Variants in TOP1MT observed in about 807,000 individuals in gnomAD.
TOP1MT encodes DNA topoisomerase I, mitochondrial.
TOP1MT carries 80 observed loss-of-function variants against 73.9 expected under a neutral mutation model. The observed-to-expected ratio is 1.08, with a 90% CI of 0.90 to 1.30. The LOEUF is 1.30. Ranked by LOEUF, TOP1MT falls within the 50% of genes most tolerant of loss-of-function variation. The pLI is 0.00. For synonymous variants in TOP1MT, 338 were observed against 326.4 expected, an observed-to-expected ratio of 1.04 and a Z score of -0.38; for missense variants, 815 against 808.0, an observed-to-expected ratio of 1.01 and a Z score of -0.10.
intron 1 of TOP1MT, among the ~76,000 whole-genome samples, chr8:143,352,462 C>A (rs892164652): frequency 3.3e-5 from 5 of 152,136 alleles, no homozygotes; most frequent in Non-Finnish European, 7.4e-5. Flanking sequence ...ACAAGGGGTG[C>A]GGACTGTCCA....
At chr8:143,322,661 C>G (rs1816503423) in intron 7 of TOP1MT, among the ~76,000 whole-genome samples, 3 of 125,236 alleles carry the variant, frequency 2.4e-5, no homozygotes, top group African/African-American at 3.5e-5. Context: ...ACACCACACA[C>G]GCACGCCACA....
upstream of TOP1MT, among the ~76,000 whole-genome samples, chr8:143,337,354 G>A (rs550911617): frequency 1.3e-5 from 2 of 152,176 alleles, no homozygotes; most frequent in South Asian, 4.1e-4. Context: ...GCAGTGAGCC[G>A]AGATCACGCT....
rs140412370 is a variant in TOP1MT at position 143,309,494 on chromosome 8, G to A, written c.1753C>T (p.Arg585Trp). The A allele has an allele frequency of 7.4e-5, 119 of 1,613,886 alleles. No homozygotes were observed. In the East Asian group the frequency reaches 1.2e-3, roughly 17 times the overall value. Residue 585 changes from arginine (R) to tryptophan (W), a missense_variant, in exon 14 of 14, where the codon CGG (arginine) becomes TGG (tryptophan). Around this residue, in one of 3 missense-constraint regions of TOP1MT, gnomAD observed 751 missense variants for 725.4 expected, o/e 1.04. Coordinates refer to ENST00000329245, the MANE Select transcript of TOP1MT (RefSeq NM_052963.3). ...GCGAGAGCCCAGGCGAACCTCTCCCGCTGTGTTTTGCTGTAGATCTTCTCC... is the reference window on the plus strand; with the variant it reads ...GCGAGAGCCCAGGCGAACCTCTCCCACTGTGTTTTGCTGTAGATCTTCTCC... Reference protein sequence around the residue: ...PVEKIYSKTQRERFAWALAMA... With the variant: ...PVEKIYSKTQWERFAWALAMA...
chr8:143,322,074 C>T (rs1416134948), intron 7 of TOP1MT, among the ~76,000 whole-genome samples: 3 of 96,048 alleles, frequency 3.1e-5, no homozygotes, highest in Non-Finnish European at 6.5e-5. Flanking sequence ...CACACACGCA[C>T]GCCACACACA....
chr8:143,329,888 G>C (rs1209854573), intron 2 of TOP1MT, among the ~76,000 whole-genome samples: 2 of 152,170 alleles, frequency 1.3e-5, no homozygotes, highest in Non-Finnish European at 2.9e-5. Flanking sequence ...CAACTCTGCG[G>C]CCTCTGTCCC....
chr8:143,323,959 C>T, intron 7 of TOP1MT, 40 bp downstream of exon 7: 1 of 1,605,966 alleles, frequency 6.2e-7, no homozygotes, highest in Non-Finnish European at 8.5e-7. Flanking sequence ...GCCAGGAGAA[C>T]CAGGATGAAG....
chr8:143,311,916 C>G (rs906232365), intron 12 of TOP1MT, among the ~76,000 whole-genome samples: 2 of 152,306 alleles, frequency 1.3e-5, no homozygotes, highest in Non-Finnish European at 1.5e-5. Flanking sequence ...ACTACCAGAA[C>G]CAACTCACAA....
At chr8:143,342,948 AG>A (rs1199882362) in intron 2 of TOP1MT, among the ~76,000 whole-genome samples, 3 of 151,874 alleles carry the variant, frequency 2.0e-5, no homozygotes, top group East Asian at 1.9e-4. Context: ...TTTAGTAGAG[AG>A]GGGGTTTCAT....
At chr8:143,322,376 G>C (rs1375572198) in intron 7 of TOP1MT, among the ~76,000 whole-genome samples, 1 of 62,760 alleles carries the variant, frequency 1.6e-5, no homozygotes, top group Admixed American at 2.5e-4. Context: ...ACACAGGCAC[G>C]CCACACACGC....
At chr8:143,342,195 G>GTTA (rs74193934) in intron 2 of TOP1MT, among the ~76,000 whole-genome samples, 1 of 108,958 alleles carries the variant, frequency 9.2e-6, no homozygotes, top group Non-Finnish European at 1.8e-5. Flanking sequence ...CAGTCTCGCT[G>GTTA]TTATTATTAT....
chr8:143,358,876 C>A (rs897445037), upstream of TOP1MT, among the ~76,000 whole-genome samples: 5 of 152,358 alleles, frequency 3.3e-5, no homozygotes, highest in South Asian at 4.1e-4. Context: ...TTATTCCTGA[C>A]CCCATTACTA....
At chr8:143,318,345 G>A (rs1027188024) in intron 8 of TOP1MT, among the ~76,000 whole-genome samples, 2 of 152,194 alleles carry the variant, frequency 1.3e-5, no homozygotes, top group South Asian at 2.1e-4. Flanking sequence ...CTGGGTGACC[G>A]CGGCAGGTGG....
Position 143,316,145 on chromosome 8 carries a change from C to CA in TOP1MT, c.1331-20dup. On this transcript the variant is annotated intron_variant, in intron 10 of 13. Coordinates refer to ENST00000329245, the MANE Select transcript of TOP1MT (RefSeq NM_052963.3). Reference sequence around the variant, plus strand: ...TCCTCGGCTGAGAGGCACGGGCTGTCAGAGGCAGCACCCACGGGGCCGGCC... The same window carrying CA: ...TCCTCGGCTGAGAGGCACGGGCTGTCAAGAGGCAGCACCCACGGGGCCGGCC... The CA allele has an allele frequency of 6.2e-7, 1 of 1,613,934 alleles. No individual in the cohort carries two copies. Among genetic ancestry groups the CA allele is most frequent in the Non-Finnish European group, 8.5e-7 (1 of 1,179,948 alleles).
chr8:143,359,018 T>C (rs1817460075), upstream of TOP1MT, among the ~76,000 whole-genome samples: 1 of 151,968 alleles, frequency 6.6e-6, no homozygotes, highest in South Asian at 2.1e-4. Context: ...TTTTTTGGTT[T>C]TTTTTTTAGA....
At chr8:143,353,002 T>C (rs2450750) in intron 1 of TOP1MT, among the ~76,000 whole-genome samples, 4,145 of 152,274 alleles carry the variant, frequency 0.027, 220 homozygotes, top group African/African-American at 0.095. Flanking sequence ...CTGAAAACTT[T>C]TGTGCTTCAA....
At chr8:143,356,142 T>C (rs1817403475), upstream of TOP1MT, 1 of 152,316 alleles carries the variant, frequency 6.6e-6, no homozygotes, top group Non-Finnish European at 1.5e-5. Flanking sequence ...ATCCTGCATG[T>C]GGCCAGCGGG....
At chr8:143,315,966 G>A (rs754396575) in intron 11 of TOP1MT, 33 bp downstream of exon 11, 2 of 1,613,948 alleles carry the variant, frequency 1.2e-6, no homozygotes, top group Non-Finnish European at 1.7e-6. Flanking sequence ...GTCCCTTGAG[G>A]GCTGGGCTGG....
upstream of TOP1MT, among the ~76,000 whole-genome samples, chr8:143,348,626 C>A (rs964454265): frequency 7.9e-5 from 12 of 152,144 alleles, no homozygotes; most frequent in African/African-American, 1.4e-4. The surrounding 1 kb of genome is among the most constrained non-coding windows in gnomAD (Gnocchi z 4.6). Context: ...TGGGGGCCCT[C>A]CAGGTGGGCC....
At chr8:143,336,366 G>T (rs915545196), upstream of TOP1MT, among the ~76,000 whole-genome samples, 5 of 152,190 alleles carry the variant, frequency 3.3e-5, no homozygotes, top group African/African-American at 1.2e-4. Flanking sequence ...AGAAAAAGCA[G>T]CAGACAAATC....
Sources: gnomAD v4.1 joint callset for allele counts (sites outside exome capture counted in the v4.1 genomes callset) on GRCh38, gnomAD v4.1.1 for gene constraint, gnomAD v4.1.1 regional missense constraint, Gnocchi (gnomAD v3.1) non-coding constraint, MANE v1.5 for transcripts, NCBI Gene and HGNC (gene_info 2026-07-23, HGNC 2026-07-21) for gene names.